The following TRIP4 variants were observed in gnomAD, a reference collection of about 807,000 sequenced individuals.
TRIP4 encodes activating signal cointegrator 1.
A neutral mutation model predicts 81.8 loss-of-function variants in TRIP4; 54 were observed. The observed-to-expected ratio is 0.66, with a 90% CI of 0.53 to 0.83. The LOEUF (loss-of-function observed/expected upper bound fraction) is 0.83. Among genes scored for constraint, TRIP4 ranks in the 40% least tolerant of loss-of-function variants. TRIP4 has a pLI of 0.00. For synonymous variants in TRIP4, 270 were observed against 242.8 expected, an observed-to-expected ratio of 1.11 and a Z score of -1.04; for missense variants, 662 against 683.6, an observed-to-expected ratio of 0.97 and a Z score of 0.35.
Position 64,395,494 on chromosome 15 carries a change from C to T in TRIP4, c.368C>T (p.Thr123Met), listed in dbSNP as rs375028289. 2.0e-5 allele frequency: 32 copies of T among 1,613,608 alleles called. No homozygotes were observed. Among genetic ancestry groups the T allele is most frequent in the Admixed American group, 8.3e-5 (5 of 59,974 alleles). The change falls in exon 3 of 13, where the codon ACG (threonine) becomes ATG (methionine). Residue 123 changes from threonine (T) to methionine (M), a missense_variant. Physicochemically the swap from Thr to Met is moderately conservative, Grantham distance 81. Coordinates refer to ENST00000261884, the MANE Select transcript of TRIP4 (RefSeq NM_016213.5). ...QEVPAFTEPD[T>M]TAEVKTPFDL... The stretch of plus-strand genomic sequence containing the variant: ...GTTCCTGCATTTACTGAACCTGACA[C>T]GACTGCAGAGGTTAAAACACCTTTT...
Position 64,446,230 on chromosome 15 carries a change from C to A in TRIP4, c.1678+1122C>A, listed in dbSNP as rs181988551. Among the ~76,000 whole-genome samples the A allele has an allele frequency of 6.2e-3, 935 of 151,614 alleles. 8 individuals are homozygous for A. The highest frequency in any genetic ancestry group is 0.022 in the African/African-American group (897 of 41,354). On this transcript the variant is annotated intron_variant, in intron 12 of 12. Transcript: ENST00000261884. ...CAGAGGTTGCAGTGAGCCGAGATCA[C>A]GCCACTGCACTCCAGCCTAGGCAAC... is the stretch of plus-strand genomic sequence containing the variant.
chr15:64,439,365 A>G (rs146600064), intron 11 of TRIP4, among the ~76,000 whole-genome samples: 2,402 of 152,206 alleles, frequency 0.016, 25 homozygotes, highest in Middle Eastern at 0.034. Flanking sequence ...GTTTTCAGCT[A>G]ACGAGATTTC....
chr15:64,431,872 G>C (rs1413499291), intron 11 of TRIP4, among the ~76,000 whole-genome samples: 1 of 80,802 alleles, frequency 1.2e-5, no homozygotes, highest in Non-Finnish European at 2.4e-5. Flanking sequence ...AGAGCATTGT[G>C]TTTTCTTTTT....
chr15:64,434,449 A>C (rs1237677070), intron 11 of TRIP4, among the ~76,000 whole-genome samples: 1 of 152,030 alleles, frequency 6.6e-6, no homozygotes, highest in Non-Finnish European at 1.5e-5. Context: ...GATGATAGAT[A>C]GTTTTGAATG....
intron 1 of TRIP4, 97 bp downstream of exon 1, chr15:64,388,061 A>C: frequency 7.0e-7 from 1 of 1,434,252 alleles, no homozygotes; most frequent in Non-Finnish European, 9.2e-7. Flanking sequence ...TAAGAGAGAA[A>C]TGTGATAAAG....
chr15:64,435,752 G>A (rs181059891), intron 11 of TRIP4, among the ~76,000 whole-genome samples: 439 of 144,872 alleles, frequency 3.0e-3, no homozygotes, highest in Admixed American at 5.5e-3. Flanking sequence ...AATACACTAA[G>A]GAAGGGACCC....
intron 3 of TRIP4, 66 bp downstream of exon 3, chr15:64,395,597 G>A: frequency 6.6e-7 from 1 of 1,524,106 alleles, no homozygotes; most frequent in Non-Finnish European, 8.9e-7. Context: ...ATACATTTCA[G>A]AGAGCAAAGT....
intron 1 of TRIP4, among the ~76,000 whole-genome samples, chr15:64,392,489 G>A (rs1900164254): frequency 6.6e-6 from 1 of 152,036 alleles, no homozygotes; most frequent in African/African-American, 2.4e-5. Context: ...TTTTTGGGGG[G>A]TGTGTGTATG....
At chr15:64,444,347 G>A (rs1172561979) in intron 11 of TRIP4, among the ~76,000 whole-genome samples, 1 of 152,092 alleles carries the variant, frequency 6.6e-6, no homozygotes, top group African/African-American at 2.4e-5. Flanking sequence ...TTCTGTGTCT[G>A]TTTTTACAAA....
chr15:64,420,404 A>G (rs564322432), intron 9 of TRIP4, among the ~76,000 whole-genome samples: 135 of 152,246 alleles, frequency 8.9e-4, no homozygotes, highest in Admixed American at 1.8e-3. Context: ...TACAGGTGTG[A>G]GCCAATGCGC....
Position 64,406,086 on chromosome 15 carries a change from G to A in TRIP4, c.698-244G>A, listed in dbSNP as rs148482215. Among the ~76,000 whole-genome samples the A allele has an allele frequency of 6.9e-4, 105 of 152,290 alleles. 4 individuals are homozygous for A. Among genetic ancestry groups the A allele is most frequent in the African/African-American group, 2.4e-3 (101 of 41,554 alleles). On this transcript the variant is annotated intron_variant, in intron 5 of 12. Coordinates refer to ENST00000261884, the MANE Select transcript of TRIP4 (RefSeq NM_016213.5). The stretch of plus-strand genomic sequence containing the variant: ...ATTCTTAAATACTTTGGTGCCCTTA[G>A]TGAACCAAATTTTTATAAAGGAAGA...
chr15:64,429,433 A>G (rs1892222573), intron 11 of TRIP4, among the ~76,000 whole-genome samples: 1 of 152,206 alleles, frequency 6.6e-6, no homozygotes, highest in African/African-American at 2.4e-5. Flanking sequence ...GCTCTTGACT[A>G]GCATTTACCA....
intron 1 of TRIP4, among the ~76,000 whole-genome samples, chr15:64,389,708 C>CT (rs368526429): frequency 0.018 from 2,311 of 127,254 alleles, 40 homozygotes; most frequent in African/African-American, 0.04. Flanking sequence ...AAAATTTTCA[C>CT]TTTTTTTTTT....
chr15:64,399,938 G>A (rs192067785), intron 4 of TRIP4, among the ~76,000 whole-genome samples: 390 of 148,492 alleles, frequency 2.6e-3, no homozygotes, highest in African/African-American at 9.5e-3. Flanking sequence ...TGGTGCCACC[G>A]CACTCCAGTC....
Position 64,455,025 on chromosome 15 carries a change from A to G in TRIP4, c.1707A>G (p.Gly569=). ...IWKLDSKIHQ[G]AKKGLMKQNK... ...AATTGGATTCCAAGATCCATCAAGG[A>G]GCAAAGAAGGGGTTAATGAAGCAGA... Residue 569 remains glycine, a synonymous_variant, in exon 13 of 13, where the codon GGA becomes GGG. Coordinates refer to ENST00000261884, the MANE Select transcript of TRIP4 (RefSeq NM_016213.5). 2 of 1,614,054 alleles carry G rather than the reference A, an allele frequency of 1.2e-6. No individual in the cohort carries two copies. The highest frequency in any genetic ancestry group is 1.7e-6 in the Non-Finnish European group (2 of 1,179,958).
chr15:64,413,459 G>A (rs937875974), intron 7 of TRIP4, among the ~76,000 whole-genome samples: 2 of 152,110 alleles, frequency 1.3e-5, no homozygotes, highest in African/African-American at 2.4e-5. Context: ...TTACAGGCAC[G>A]AGCCACCACT....
chr15:64,394,845 A>G (rs1408215378), intron 2 of TRIP4, among the ~76,000 whole-genome samples: 1 of 152,142 alleles, frequency 6.6e-6, no homozygotes, highest in Non-Finnish European at 1.5e-5. Flanking sequence ...CTACAATATC[A>G]GAATTTTGTT....
At chr15:64,413,654 A>G (rs745421709) in intron 7 of TRIP4, among the ~76,000 whole-genome samples, 6 of 151,982 alleles carry the variant, frequency 3.9e-5, no homozygotes, top group Admixed American at 2.0e-4. Context: ...CAGTGGCACG[A>G]TCTCGGCTCA....
intron 6 of TRIP4, among the ~76,000 whole-genome samples, chr15:64,408,245 AC>A (rs1401677660): frequency 4.1e-5 from 5 of 121,974 alleles, no homozygotes; most frequent in African/African-American, 1.2e-4. Context: ...GCCTAAGAAG[AC>A]AAATTTTTTT....
Sources: gnomAD v4.1 joint callset for allele counts (sites outside exome capture counted in the v4.1 genomes callset) on GRCh38, gnomAD v4.1.1 for gene constraint, MANE v1.5 for transcripts, NCBI Gene and HGNC (gene_info 2026-07-23, HGNC 2026-07-21) for gene names.